THADA: variants seen among roughly 807,000 people sequenced by gnomAD.
THADA encodes the protein THADA armadillo repeat containing.
THADA carries 213 observed loss-of-function variants against 219.8 expected under a neutral mutation model. The observed-to-expected ratio is 0.97, with a 90% CI of 0.87 to 1.09. THADA has a LOEUF of 1.09. Ranked by LOEUF, THADA falls within the 50% of genes least tolerant of loss-of-function variation. THADA has a pLI of 0.00. For synonymous variants in THADA, 1,018 were observed against 828.9 expected (o/e 1.23, Z -3.92); for missense variants, 2,956 against 2,311.3 (o/e 1.28, Z -5.72).
chr2:43,253,804 G>A (rs1182952642), intron 36 of THADA, among the ~76,000 whole-genome samples: 1 of 152,150 alleles, frequency 6.6e-6, no homozygotes, highest in Admixed American at 6.5e-5. Flanking sequence ...TAATGTTAAT[G>A]TGTAGCTCTG....
chr2:43,481,769 T>A (rs959985947), intron 26 of THADA, among the ~76,000 whole-genome samples: 1 of 152,216 alleles, frequency 6.6e-6, no homozygotes, highest in African/African-American at 2.4e-5. Flanking sequence ...CAAATTCTCA[T>A]TGGCTCACTG....
At chr2:43,352,059 A>C (rs1668336817) in intron 29 of THADA, among the ~76,000 whole-genome samples, 3 of 152,222 alleles carry the variant, frequency 2.0e-5, no homozygotes, top group Admixed American at 2.0e-4. Context: ...TCTAACTAAA[A>C]AGCTTCTAAT....
chr2:43,495,082 C>A (rs956256626), intron 25 of THADA, among the ~76,000 whole-genome samples: 1 of 152,178 alleles, frequency 6.6e-6, no homozygotes, highest in African/African-American at 2.4e-5. Context: ...CAAATCAAAC[C>A]GTATTTCGTA....
chr2:43,565,627 T>C (rs1292104447), intron 15 of THADA: 1 of 152,082 alleles, frequency 6.6e-6, no homozygotes, highest in Admixed American at 6.6e-5. Flanking sequence ...CCCAATAATT[T>C]AAAATAAAAA....
At chr2:43,503,099 ACT>A (rs1689221230) in intron 24 of THADA, among the ~76,000 whole-genome samples, 1 of 152,126 alleles carries the variant, frequency 6.6e-6, no homozygotes, top group South Asian at 2.1e-4. Flanking sequence ...AGCAATGGAA[ACT>A]CTTATACTCT....
chr2:43,488,944 T>A (rs549789897), intron 25 of THADA, among the ~76,000 whole-genome samples: 1 of 152,336 alleles, frequency 6.6e-6, no homozygotes, highest in East Asian at 1.9e-4. Flanking sequence ...TTTGTGTGCT[T>A]ACTGGCCATC....
intron 31 of THADA, among the ~76,000 whole-genome samples, chr2:43,300,287 C>G (rs1676104177): frequency 6.6e-6 from 1 of 151,818 alleles, no homozygotes; most frequent in African/African-American, 2.4e-5. Context: ...AGGCGTGAGC[C>G]ACCGTGCCAG....
intron 14 of THADA, among the ~76,000 whole-genome samples, chr2:43,569,237 A>G (rs1157973513): frequency 6.6e-6 from 1 of 152,150 alleles, no homozygotes; most frequent in East Asian, 1.9e-4. Context: ...TCAACCTCCC[A>G]AAGTGCTGAG....
At chr2:43,546,602 T>C (rs1046804341) in intron 20 of THADA, among the ~76,000 whole-genome samples, 5 of 152,168 alleles carry the variant, frequency 3.3e-5, no homozygotes, top group African/African-American at 9.7e-5. Context: ...TCTTGTTGAA[T>C]TGATCCCTTT....
chr2:43,432,609 A>G (rs184116743), intron 26 of THADA, among the ~76,000 whole-genome samples: 2 of 152,278 alleles, frequency 1.3e-5, no homozygotes, highest in Admixed American at 6.5e-5. Context: ...GTTTCCTGAA[A>G]TAATTATACC....
At chr2:43,342,619 T>C (rs774045904) in intron 30 of THADA, among the ~76,000 whole-genome samples, 17 of 152,252 alleles carry the variant, frequency 1.1e-4, no homozygotes, top group Non-Finnish European at 1.8e-4. Flanking sequence ...TCACTCTTGA[T>C]GGCCAGTTTG....
chr2:43,309,020 A>T (rs1677196336), intron 31 of THADA, among the ~76,000 whole-genome samples: 1 of 152,246 alleles, frequency 6.6e-6, no homozygotes, highest in African/African-American at 2.4e-5. Flanking sequence ...GACAATGTTA[A>T]GAAAATGAAA....
chr2:43,325,035 T>C (rs1679158880), intron 30 of THADA, among the ~76,000 whole-genome samples: 2 of 152,242 alleles, frequency 1.3e-5, no homozygotes, highest in South Asian at 4.1e-4. Context: ...TCCTGTTTTC[T>C]TCCACTCTTT....
chr2:43,463,592 T>C (rs1295168639), intron 26 of THADA, among the ~76,000 whole-genome samples: 3 of 152,216 alleles, frequency 2.0e-5, no homozygotes, highest in Non-Finnish European at 4.4e-5. Flanking sequence ...TAAAAGAATG[T>C]TTTTTCAAGT....
intron 36 of THADA, among the ~76,000 whole-genome samples, chr2:43,245,303 G>A (rs966500214): frequency 2.0e-5 from 3 of 150,848 alleles, no homozygotes; most frequent in Non-Finnish European, 4.4e-5. Flanking sequence ...CTCCCTAGTA[G>A]CTGGGACTAC....
chr2:43,592,170 A>G, intron 2 of THADA, 124 bp from the exon 3 acceptor site: 1 of 1,010,714 alleles, frequency 9.9e-7, no homozygotes, highest in East Asian at 2.6e-5. Flanking sequence ...TAGTCTGAAG[A>G]CAGAATTTTA....
rs374706768 is a variant in THADA, at chr2:43,367,196, G to A, written c.4228-22959C>T. Among the ~76,000 whole-genome samples the A allele has an allele frequency of 9.2e-5, 14 of 152,272 alleles. 1 individual carries two copies. Among genetic ancestry groups the A allele is most frequent in the South Asian group, 6.2e-4 (3 of 4,828 alleles). On this transcript the variant is annotated intron_variant, in intron 29 of 37. Transcript: ENST00000405975. ...GGCTGAGAGAAAGGAGAAATAGGGCGCTGTTGTTTAATGGGTATAGAGTTT... is the reference window on the plus strand; with the variant it reads ...GGCTGAGAGAAAGGAGAAATAGGGCACTGTTGTTTAATGGGTATAGAGTTT...
At chr2:43,373,805 T>G (rs550289028) in intron 29 of THADA, among the ~76,000 whole-genome samples, 2 of 152,172 alleles carry the variant, frequency 1.3e-5, no homozygotes. Context: ...AAACTCTCTA[T>G]TGGAATACAC....
At chr2:43,564,467 T>G (rs1450397310) in intron 15 of THADA, 1 of 152,266 alleles carries the variant, frequency 6.6e-6, no homozygotes. Context: ...CTCTTTCTTT[T>G]GTTTGTCAAA....
Sources: gnomAD v4.1 joint callset for allele counts (sites outside exome capture counted in the v4.1 genomes callset) on GRCh38, gnomAD v4.1.1 for gene constraint, MANE v1.5 for transcripts, NCBI Gene and HGNC (gene_info 2026-07-23, HGNC 2026-07-21) for gene names.